The following ALK variants were observed in gnomAD, a reference collection of about 807,000 sequenced individuals.
The protein encoded by ALK is ALK tyrosine kinase receptor.
A neutral mutation model predicts 163.1 loss-of-function variants in ALK; 74 were observed. The observed-to-expected ratio is 0.45, with a 90% CI of 0.38 to 0.55. ALK has a LOEUF of 0.55. Ranked by LOEUF, ALK falls within the 20% of genes least tolerant of loss-of-function variation. The pLI is 0.00. For missense variants in ALK, 2,063 were observed against 2,105.3 expected, an observed-to-expected ratio of 0.98 and a Z score of 0.39; for synonymous variants, 960 against 843.2, an observed-to-expected ratio of 1.14 and a Z score of -2.40.
chr2:29,527,923 C>T (rs913711755), intron 4 of ALK, among the ~76,000 whole-genome samples: 6 of 152,160 alleles, frequency 3.9e-5, no homozygotes, highest in Admixed American at 2.0e-4. Flanking sequence ...GTTAGACTCC[C>T]GTATCTTCCG....
At chr2:29,864,157 T>C (rs534884968) in intron 1 of ALK, among the ~76,000 whole-genome samples, 1 of 152,318 alleles carries the variant, frequency 6.6e-6, no homozygotes, top group African/African-American at 2.4e-5. Context: ...TGGGATTCAA[T>C]CCAGAACTGT....
At chr2:29,682,577 A>G (rs895009709) in intron 3 of ALK, among the ~76,000 whole-genome samples, 3 of 152,178 alleles carry the variant, frequency 2.0e-5, no homozygotes, top group Non-Finnish European at 4.4e-5. Context: ...GAAGAAAAAT[A>G]ATTCTTAGGA....
chr2:29,829,872 A>G (rs558528971), intron 1 of ALK, among the ~76,000 whole-genome samples: 1 of 152,330 alleles, frequency 6.6e-6, no homozygotes, highest in African/African-American at 2.4e-5. Flanking sequence ...TTCTCTTTTT[A>G]GTGGCTACAC....
chr2:29,494,608 AGTTTGAGGT>A (rs1671980610), intron 4 of ALK, among the ~76,000 whole-genome samples: 4 of 152,142 alleles, frequency 2.6e-5, no homozygotes, highest in African/African-American at 7.2e-5. Context: ...GCCCCTCTGC[AGTTTGAGGT>A]AACCCAGCCT....
intron 13 of ALK, among the ~76,000 whole-genome samples, chr2:29,239,261 CG>C (rs1664459300): frequency 6.6e-6 from 1 of 152,206 alleles, no homozygotes; most frequent in African/African-American, 2.4e-5. Flanking sequence ...ACTGCTTTCT[CG>C]GTAGCCCCTC....
At chr2:29,686,710 G>T (rs1208093416) in intron 3 of ALK, among the ~76,000 whole-genome samples, 1 of 152,146 alleles carries the variant, frequency 6.6e-6, no homozygotes, top group Non-Finnish European at 1.5e-5. Flanking sequence ...GTTAGGAGGG[G>T]TTCCTTGTTC....
chr2:29,326,676 T>C (rs866595542), intron 6 of ALK, among the ~76,000 whole-genome samples: 36 of 152,206 alleles, frequency 2.4e-4, no homozygotes, highest in African/African-American at 8.4e-4. Context: ...CATACAACTA[T>C]TCCATTATCA....
At chr2:29,814,724 G>A (rs1240113170) in intron 1 of ALK, among the ~76,000 whole-genome samples, 1 of 152,034 alleles carries the variant, frequency 6.6e-6, no homozygotes, top group African/African-American at 2.4e-5. Flanking sequence ...TGAATCTTGG[G>A]TCTGCTTTAC....
intron 3 of ALK, among the ~76,000 whole-genome samples, chr2:29,605,937 C>G (rs1237749875): frequency 6.7e-6 from 1 of 149,636 alleles, no homozygotes; most frequent in Non-Finnish European, 1.5e-5. Flanking sequence ...TAAGTTCAAC[C>G]TGATGGTCTT....
intron 13 of ALK, among the ~76,000 whole-genome samples, chr2:29,239,238 T>C (rs1373768117): frequency 6.6e-6 from 1 of 152,124 alleles, no homozygotes; most frequent in Non-Finnish European, 1.5e-5. Flanking sequence ...CTGAATTTAT[T>C]TTGTGGAAGT....
At chr2:29,510,293 C>A (rs1316531725) in intron 4 of ALK, among the ~76,000 whole-genome samples, 2 of 152,138 alleles carry the variant, frequency 1.3e-5, no homozygotes, top group African/African-American at 2.4e-5. Context: ...TTAAGAGTCC[C>A]TGATGGCAGG....
rs893192665 is a variant in ALK at position 29,246,471 on chromosome 2, C to T, written c.2204+4634G>A. 5.9e-5 allele frequency among the ~76,000 whole-genome samples: 9 copies of T among 152,312 alleles called. No individual in the cohort carries two copies. The highest frequency in any genetic ancestry group is 2.1e-4 in the South Asian group (1 of 4,826). On this transcript the variant is annotated intron_variant, in intron 12 of 28. Transcript: ENST00000389048. The surrounding 1 kb of genome is among the most constrained non-coding windows in gnomAD (Gnocchi z 4.3). The stretch of plus-strand genomic sequence containing the variant: ...TGCAGTGGCCTCCCACTCTCCCATC[C>T]GCTCCAGCCACCCACCCTCTAGACA...
At chr2:29,256,024 G>T (rs763542641) in intron 11 of ALK, among the ~76,000 whole-genome samples, 2 of 152,190 alleles carry the variant, frequency 1.3e-5, no homozygotes, top group African/African-American at 4.8e-5. Context: ...GCTAAGACAG[G>T]TTGAGTCAGA....
At chr2:29,855,635 G>C (rs1176840680) in intron 1 of ALK, among the ~76,000 whole-genome samples, 1 of 152,114 alleles carries the variant, frequency 6.6e-6, no homozygotes, top group Non-Finnish European at 1.5e-5. Context: ...ACTGACAAAA[G>C]TCTCTGTGCC....
At position 29,275,153 on chromosome 2, in the gene ALK, C is replaced by T. The variant is rs557768696; in HGVS notation, c.1987G>A (p.Glu663Lys). 6.2e-7 allele frequency: 1 copy of T among 1,614,136 alleles called. No homozygotes were observed. The highest frequency in any genetic ancestry group is 1.1e-5 in the South Asian group (1 of 91,072). Residue 663 changes from glutamate to lysine, a missense_variant, in exon 11 of 29, where the codon GAG becomes AAG. Physicochemically the swap from Glu to Lys is moderately conservative, Grantham distance 56. This residue lies in a region of ALK where 987 missense variants were observed against 939.5 expected (regional missense o/e 1.05). Transcript: ENST00000389048. ...RNLFERNPNK[E>K]LKPGENSPRQ... ...GGTGAATTTTCCCCGGGTTTCAGCT[C>T]CTTGTTTGGGTTTCTCTCAAACAGG...
intron 1 of ALK, among the ~76,000 whole-genome samples, chr2:29,864,839 T>C (rs939335081): frequency 6.6e-6 from 1 of 152,190 alleles, no homozygotes; most frequent in Non-Finnish European, 1.5e-5. Context: ...TTTGGAGAAC[T>C]GGGAGTGTTT....
At chr2:29,725,605 A>G (rs1490077109) in intron 1 of ALK, among the ~76,000 whole-genome samples, 1 of 152,042 alleles carries the variant, frequency 6.6e-6, no homozygotes, top group South Asian at 2.1e-4. Flanking sequence ...ACACAACTTA[A>G]GTTTCAGGTC....
In ALK at chr2:29,702,301, A is replaced by C. The variant is rs1236768819; in HGVS notation, c.788-7287T>G. On this transcript the variant is annotated intron_variant, in intron 2 of 28. Coordinates refer to ENST00000389048, the MANE Select transcript of ALK (RefSeq NM_004304.5). The stretch of plus-strand genomic sequence containing the variant: ...GATATTCTAAATGGCCACACTTCAT[A>C]CTACAACAATGTACAAGCTCTACAA... Among the ~76,000 whole-genome samples, 6 of 152,046 alleles carry C rather than the reference A, an allele frequency of 3.9e-5. No individual in the cohort carries two copies. The East Asian group carries it at 1.2e-3, about 29-fold the overall frequency.
chr2:29,768,743 G>A (rs75321660), intron 1 of ALK, among the ~76,000 whole-genome samples: 2,853 of 150,630 alleles, frequency 0.019, 46 homozygotes, highest in South Asian at 0.046. Context: ...GTGTGTGTGT[G>A]TATATATGTA....
Sources: gnomAD v4.1 joint callset for allele counts (sites outside exome capture counted in the v4.1 genomes callset) on GRCh38, gnomAD v4.1.1 for gene constraint, gnomAD v4.1.1 regional missense constraint, Gnocchi (gnomAD v3.1) non-coding constraint, MANE v1.5 for transcripts, NCBI Gene and HGNC (gene_info 2026-07-23, HGNC 2026-07-21) for gene names.